Variants in MAGI2 observed in about 807,000 individuals in gnomAD.
MAGI2 encodes the protein membrane associated guanylate kinase, WW and PDZ domain containing 2, also known as membrane-associated guanylate kinase, WW and PDZ domain-containing protein 2.
Under a neutral mutation model 133.3 loss-of-function variants are expected in MAGI2, and 35 were observed. The ratio of observed to expected loss-of-function variants is 0.26; its 90% CI spans 0.20 to 0.35. MAGI2 has a LOEUF of 0.35. Among genes scored for constraint, MAGI2 ranks in the 10% least tolerant of loss-of-function variants. MAGI2 has a pLI of 1.00. For synonymous variants in MAGI2, 729 were observed against 710.6 expected (o/e 1.03, Z -0.41); for missense variants, 1,636 against 1,863.4 (o/e 0.88, Z 2.25).
intron 2 of MAGI2, among the ~76,000 whole-genome samples, chr7:78,782,645 A>G (rs1374182417): frequency 6.6e-6 from 1 of 152,138 alleles, no homozygotes; most frequent in African/African-American, 2.4e-5. Flanking sequence ...ATTTGAAGCC[A>G]TTAAATGACA....
At chr7:78,534,260 A>G (rs973502849) in intron 3 of MAGI2, among the ~76,000 whole-genome samples, 5 of 152,126 alleles carry the variant, frequency 3.3e-5, no homozygotes, top group East Asian at 1.9e-4. Flanking sequence ...GCTTTTTAAG[A>G]AAAAAAATTG....
intron 1 of MAGI2, among the ~76,000 whole-genome samples, chr7:79,416,354 GGAAA>G (rs1846510214): frequency 6.6e-6 from 1 of 151,762 alleles, no homozygotes; most frequent in African/African-American, 2.4e-5. Context: ...AGAGAAGGTA[GGAAA>G]GAAAGGAGAG....
At chr7:79,418,470 C>A (rs935452498) in intron 1 of MAGI2, among the ~76,000 whole-genome samples, 10 of 152,080 alleles carry the variant, frequency 6.6e-5, no homozygotes, top group African/African-American at 2.4e-4. Context: ...CTGGATAAAT[C>A]CAAGTGATCA....
chr7:78,742,782 G>A (rs1032114063), intron 2 of MAGI2, among the ~76,000 whole-genome samples: 8 of 152,126 alleles, frequency 5.3e-5, no homozygotes, highest in Admixed American at 6.5e-5. Flanking sequence ...CTCAACTGAT[G>A]CAGTGTGACT....
intron 2 of MAGI2, among the ~76,000 whole-genome samples, chr7:78,710,111 G>A (rs1313517760): frequency 6.6e-6 from 1 of 152,044 alleles, no homozygotes; most frequent in Non-Finnish European, 1.5e-5. Context: ...CTAACAGAAT[G>A]GTTATTTCTG....
chr7:79,140,142 T>G (rs949124625), intron 1 of MAGI2, among the ~76,000 whole-genome samples: 1 of 152,208 alleles, frequency 6.6e-6, no homozygotes, highest in Non-Finnish European at 1.5e-5. Flanking sequence ...TCCCCCAGGT[T>G]TTGACTTCTG....
chr7:79,071,304 G>T (rs1370689768), intron 1 of MAGI2, among the ~76,000 whole-genome samples: 1 of 152,198 alleles, frequency 6.6e-6, no homozygotes, highest in Non-Finnish European at 1.5e-5. Context: ...ATTGCTGGAT[G>T]TTCCTTACTC....
At chr7:79,060,901 A>C (rs190956620) in intron 1 of MAGI2, among the ~76,000 whole-genome samples, 27 of 152,258 alleles carry the variant, frequency 1.8e-4, no homozygotes, top group Admixed American at 1.8e-3. Flanking sequence ...AAAAGAAAGA[A>C]AACAACATAC....
intron 6 of MAGI2, among the ~76,000 whole-genome samples, chr7:78,481,080 TA>T (rs1792320269): frequency 6.6e-6 from 1 of 151,962 alleles, no homozygotes; most frequent in South Asian, 2.1e-4. Flanking sequence ...AAAATTTATA[TA>T]AAATGGCAAA....
chr7:78,102,544 T>C (rs914538556), intron 20 of MAGI2, among the ~76,000 whole-genome samples: 6 of 152,010 alleles, frequency 3.9e-5, no homozygotes, highest in African/African-American at 1.4e-4. Context: ...ATCTTAAACT[T>C]CCCCCTTTCC....
chr7:78,753,324 G>GA (rs1290409403), intron 2 of MAGI2, among the ~76,000 whole-genome samples: 3 of 151,078 alleles, frequency 2.0e-5, no homozygotes, highest in Admixed American at 1.3e-4. Flanking sequence ...TTTAGTATCT[G>GA]AAAAAAAAAT....
chr7:79,071,615 G>T (rs1449524668), intron 1 of MAGI2, among the ~76,000 whole-genome samples: 1 of 140,008 alleles, frequency 7.1e-6, no homozygotes, highest in Non-Finnish European at 1.6e-5. Context: ...TCCCTGACTG[G>T]GCTTCCTGCA....
intron 1 of MAGI2, among the ~76,000 whole-genome samples, chr7:79,325,024 A>T (rs1528277): frequency 6.6e-6 from 1 of 151,946 alleles, no homozygotes; most frequent in Admixed American, 6.6e-5. Context: ...AGCTTGGTCT[A>T]TAAGATGAGA....
At chr7:78,984,397 C>A (rs374757063) in intron 2 of MAGI2, among the ~76,000 whole-genome samples, 1 of 151,930 alleles carries the variant, frequency 6.6e-6, no homozygotes. Flanking sequence ...TCACCACAGC[C>A]TATGTGTCCC....
At chr7:78,783,016 T>G (rs1263563353) in intron 2 of MAGI2, among the ~76,000 whole-genome samples, 1 of 148,138 alleles carries the variant, frequency 6.8e-6, no homozygotes, top group African/African-American at 2.5e-5. Context: ...TCTTACCTTT[T>G]TTTTTTTTTT....
At chr7:78,191,812 T>C (rs952819697) in intron 12 of MAGI2, among the ~76,000 whole-genome samples, 7 of 152,198 alleles carry the variant, frequency 4.6e-5, no homozygotes, top group Non-Finnish European at 8.8e-5. Flanking sequence ...TTGTTTAAAA[T>C]CACAGCTTTT....
rs1324018824 is a variant in MAGI2 at position 78,045,086 on chromosome 7, G to C, written c.3707-25110C>G. ...GGAGGCTGAGGCAGGAGAATTGCTT[G>C]AACCCAGGAGGCAGAGGTTGCAGTG... On this transcript the variant is annotated intron_variant, in intron 21 of 21. Coordinates refer to ENST00000354212, the MANE Select transcript of MAGI2 (RefSeq NM_012301.4). Among the ~76,000 whole-genome samples, 8 of 152,152 alleles carry C rather than the reference G, an allele frequency of 5.3e-5. No individual in the cohort carries two copies. The East Asian group carries it at 1.5e-3, about 29-fold the overall frequency.
At chr7:78,559,710 T>C (rs1439320634) in intron 3 of MAGI2, among the ~76,000 whole-genome samples, 1 of 152,186 alleles carries the variant, frequency 6.6e-6, no homozygotes, top group Non-Finnish European at 1.5e-5. Context: ...TCATTTTTTC[T>C]GTGCCTCCAT....
At chr7:79,075,349 AC>A (rs1815366971) in intron 1 of MAGI2, among the ~76,000 whole-genome samples, 1 of 152,308 alleles carries the variant, frequency 6.6e-6, no homozygotes, top group Admixed American at 6.5e-5. Flanking sequence ...ATCTCATGTT[AC>A]CACATGAGTT....
Sources: allele counts gnomAD v4.1 joint callset (sites outside exome capture counted in the v4.1 genomes callset), GRCh38; gene constraint gnomAD v4.1.1; transcripts MANE v1.5; gene names NCBI Gene and HGNC (gene_info 2026-07-23, HGNC 2026-07-21).